The following DENND5A variants were observed in gnomAD, a reference collection of about 807,000 sequenced individuals.
DENND5A encodes DENN domain-containing protein 5A.
In DENND5A, 64 loss-of-function variants were observed where a neutral mutation model predicts 140.3. The ratio of observed to expected loss-of-function variants is 0.46; its 90% CI spans 0.37 to 0.56. DENND5A has a LOEUF of 0.56. DENND5A is among the 20% of genes least tolerant of loss of function. The pLI is 0.00. For synonymous variants in DENND5A, 605 were observed against 607.7 expected (o/e 1.00, Z 0.07); for missense variants, 1,292 against 1,593.8 (o/e 0.81, Z 3.22).
chr11:9,146,539 A>C (rs1363941975), intron 16 of DENND5A, among the ~76,000 whole-genome samples: 2 of 152,230 alleles, frequency 1.3e-5, no homozygotes, highest in Non-Finnish European at 2.9e-5. Context: ...ACAGACACAT[A>C]ATGAGTTAGC....
intron 11 of DENND5A, among the ~76,000 whole-genome samples, chr11:9,163,458 T>A (rs1367131035): frequency 6.6e-6 from 1 of 152,094 alleles, no homozygotes; most frequent in Non-Finnish European, 1.5e-5. Flanking sequence ...CATCATTGGC[T>A]AGGAATAGGA....
intron 4 of DENND5A, among the ~76,000 whole-genome samples, chr11:9,200,444 C>G (rs1238209021): frequency 6.6e-6 from 1 of 152,220 alleles, no homozygotes; most frequent in Non-Finnish European, 1.5e-5. Context: ...GCCTCAGGAA[C>G]TACATTCAGC....
intron 2 of DENND5A, 103 bp downstream of exon 2, chr11:9,207,458 C>A (rs888433630): frequency 2.1e-5 from 17 of 829,174 alleles, no homozygotes; most frequent in Admixed American, 1.8e-4. Flanking sequence ...TCAAAAAAGG[C>A]ACAAGAAAGT....
chr11:9,257,668 G>C (rs1030432936), intron 1 of DENND5A, among the ~76,000 whole-genome samples: 3 of 151,464 alleles, frequency 2.0e-5, no homozygotes, highest in Non-Finnish European at 4.4e-5. Context: ...ATTTTTAGTA[G>C]AGACAGGGTT....
chr11:9,245,135 A>T (rs990384078), intron 1 of DENND5A, among the ~76,000 whole-genome samples: 8 of 151,892 alleles, frequency 5.3e-5, no homozygotes, highest in African/African-American at 1.9e-4. Context: ...ATACAAAAAA[A>T]TTAGCTGGGC....
chr11:9,193,616 G>C lies in DENND5A; in HGVS notation c.1015C>G (p.His339Asp), dbSNP rs1590257963. ...GCTGGGAGAATAGGGACATAGACAT[G>C]CTGCCACTGGAAAGGAAACATGAGA... ...TALMFPFQWQ[H>D]VYVPILPASL... Residue 339 changes from histidine (H) to aspartate (D), a missense_variant, in exon 5 of 23, where the codon CAT becomes GAT. His to Asp is a moderately conservative substitution (Grantham distance 81, BLOSUM62 -1). Coordinates refer to ENST00000328194, the MANE Select transcript of DENND5A (RefSeq NM_015213.4). 2.5e-6 allele frequency: 4 copies of C among 1,614,034 alleles called. No homozygotes were observed. The highest frequency in any genetic ancestry group is 3.4e-6 in the Non-Finnish European group (4 of 1,179,954).
At chr11:9,154,298 A>G (rs1195766375) in intron 12 of DENND5A, among the ~76,000 whole-genome samples, 18 of 152,200 alleles carry the variant, frequency 1.2e-4, no homozygotes, top group Non-Finnish European at 7.3e-5. Flanking sequence ...CACCGTTAGT[A>G]AGCAGAGTGT....
intron 1 of DENND5A, among the ~76,000 whole-genome samples, chr11:9,251,114 AAG>A (rs1474017271): frequency 1.3e-5 from 2 of 150,876 alleles, no homozygotes; most frequent in Non-Finnish European, 3.0e-5. Context: ...CAGCCTGGGC[AAG>A]AGAGTGACAC....
rs970500888 is a variant in DENND5A at position 9,217,406 on chromosome 11, C to T, written c.110-9774G>A. ...GGGCACACCTGTAGTTCCAGCTACT[C>T]GAGAAGCTGAGGCAGGAGAATAGCT... is the stretch of plus-strand genomic sequence containing the variant. On this transcript the variant is annotated intron_variant, in intron 1 of 22. Transcript: ENST00000328194. Among the ~76,000 whole-genome samples the T allele has an allele frequency of 2.6e-5, 4 of 151,724 alleles. No individual in the cohort carries two copies. The South Asian group carries it at 6.2e-4, about 24-fold the overall frequency.
At chr11:9,145,333 C>G in intron 17 of DENND5A, 1 of 589,932 alleles carries the variant, frequency 1.7e-6, no homozygotes. Flanking sequence ...AGAACAGGGT[C>G]AGGGAGCAAG....
chr11:9,176,814 T>C (rs1384888340), intron 8 of DENND5A: 1 of 449,482 alleles, frequency 2.2e-6, no homozygotes, highest in Non-Finnish European at 4.5e-6. Context: ...TAGACCTTCA[T>C]ACTGTTCAGG....
chr11:9,197,764 T>C (rs1849382683), intron 4 of DENND5A, among the ~76,000 whole-genome samples: 1 of 152,206 alleles, frequency 6.6e-6, no homozygotes, highest in African/African-American at 2.4e-5. Flanking sequence ...TTTATTTGTT[T>C]TTAAAAACTA....
At chr11:9,203,634 G>A in intron 4 of DENND5A, 26 bp downstream of exon 4, 1 of 1,583,582 alleles carries the variant, frequency 6.3e-7, no homozygotes, top group East Asian at 2.2e-5. Flanking sequence ...GAGGCAGGCA[G>A]AAGGCTCTAG....
chr11:9,208,005 T>C (rs1849749985), intron 1 of DENND5A, among the ~76,000 whole-genome samples: 1 of 152,182 alleles, frequency 6.6e-6, no homozygotes, highest in Non-Finnish European at 1.5e-5. Flanking sequence ...AAATATTGCT[T>C]TTCCTAAGGA....
rs547589884 is a variant in DENND5A, at chr11:9,206,102, T to C, written c.291+571A>G. Among the ~76,000 whole-genome samples, 18 of 152,254 alleles carry C rather than the reference T, an allele frequency of 1.2e-4. No individual in the cohort carries two copies. In the East Asian group the frequency reaches 3.5e-3, roughly 29 times the overall value. The stretch of plus-strand genomic sequence containing the variant: ...TATTTAATACTACCCATGTAAAGAG[T>C]ACTGTAAGGATTAAATAAGTTAATT... On this transcript the variant is annotated intron_variant, in intron 3 of 22. Transcript: ENST00000328194.
At chr11:9,221,875 A>G (rs146852851) in intron 1 of DENND5A, among the ~76,000 whole-genome samples, 8,939 of 151,936 alleles carry the variant, frequency 0.059, 363 homozygotes, top group South Asian at 0.1. Flanking sequence ...CTCCTGACTC[A>G]GCCTCCCAAA....
chr11:9,144,394 T>C, intron 18 of DENND5A, 116 bp from the exon 19 acceptor site: 2 of 968,292 alleles, frequency 2.1e-6, no homozygotes, highest in Non-Finnish European at 3.1e-6. Flanking sequence ...TAGAGACTCC[T>C]TCAATGCTCT....
chr11:9,172,150 T>C (rs1024615691), intron 8 of DENND5A: 19 of 151,776 alleles, frequency 1.3e-4, no homozygotes, highest in African/African-American at 4.4e-4. Context: ...GTCCCTAAGG[T>C]AGGGATGGGG....
intron 6 of DENND5A, among the ~76,000 whole-genome samples, chr11:9,180,386 G>A (rs1848688240): frequency 6.6e-6 from 1 of 152,160 alleles, no homozygotes; most frequent in Non-Finnish European, 1.5e-5. Context: ...CCAGGAGATT[G>A]AGGCTGCAGT....
Sources: allele counts gnomAD v4.1 joint callset (sites outside exome capture counted in the v4.1 genomes callset), GRCh38; gene constraint gnomAD v4.1.1; transcripts MANE v1.5; gene names NCBI Gene and HGNC (gene_info 2026-07-23, HGNC 2026-07-21).